Variants in VPS39 observed in about 807,000 individuals in gnomAD.
VPS39 encodes vam6/Vps39-like protein.
Under a neutral mutation model 121.0 loss-of-function variants are expected in VPS39, and 70 were observed. The observed-to-expected ratio is 0.58, with a 90% CI of 0.48 to 0.71. VPS39 has a LOEUF of 0.71. VPS39 is among the 30% of genes least tolerant of loss of function. The pLI is 0.00. For missense variants in VPS39, 818 were observed against 1,051.5 expected (o/e 0.78, Z 3.07); for synonymous variants, 378 against 398.1 (o/e 0.95, Z 0.60).
At chr15:42,184,787 G>A in intron 7 of VPS39, 87 bp from the exon 8 acceptor site, 1 of 1,278,760 alleles carries the variant, frequency 7.8e-7, no homozygotes, top group South Asian at 1.5e-5. Flanking sequence ...CCGAAACCTA[G>A]AGAAGCCAAT....
intron 19 of VPS39, 41 bp downstream of exon 19, chr15:42,164,317 C>T (rs1296574772): frequency 6.2e-7 from 1 of 1,612,008 alleles, no homozygotes; most frequent in Non-Finnish European, 8.5e-7. Flanking sequence ...CTTTGCATGA[C>T]CTTCGCTGAA....
At chr15:42,191,672 C>T (rs947262790) in intron 2 of VPS39, 112 bp from the exon 3 acceptor site, 23 of 903,292 alleles carry the variant, frequency 2.5e-5, no homozygotes, top group Non-Finnish European at 3.7e-5. Context: ...TTGGAAGTTC[C>T]TGAAAGACTA....
intron 2 of VPS39, 64 bp downstream of exon 2, chr15:42,199,832 T>C (rs1353727009): frequency 6.8e-7 from 1 of 1,480,474 alleles, no homozygotes; most frequent in Non-Finnish European, 9.1e-7. Flanking sequence ...GAATAACTGA[T>C]TTCACAGTTG....
chr15:42,162,234 G>A, intron 22 of VPS39, 68 bp from the exon 23 acceptor site: 2 of 1,608,002 alleles, frequency 1.2e-6, no homozygotes, highest in Non-Finnish European at 1.7e-6. Flanking sequence ...AATGTCTGCA[G>A]CCGTGGAGCT....
At chr15:42,184,724 C>A in intron 7 of VPS39, 24 bp from the exon 8 acceptor site, 1 of 1,588,848 alleles carries the variant, frequency 6.3e-7, no homozygotes, top group South Asian at 1.2e-5. Context: ...CAGAGTGAGT[C>A]ACCTAGCATT....
Position 42,161,787 on chromosome 15 carries a change from G to T in VPS39, c.2461-14C>A, listed in dbSNP as rs376424375. On this transcript the variant is annotated splice_polypyrimidine_tract_variant and intron_variant, in intron 23 of 24. Coordinates refer to ENST00000318006, the MANE Select transcript of VPS39 (RefSeq NM_015289.5). ...CTCTTCCTGGACCTGGAAGAACAGG[G>T]GGATTGAGGAAGAAGTTCTACAGTG... 1 of 1,613,630 alleles carries T rather than the reference G, an allele frequency of 6.2e-7. No individual in the cohort carries two copies. Among genetic ancestry groups the T allele is most frequent in the African/African-American group, 1.3e-5 (1 of 74,920 alleles).
intron 8 of VPS39, 83 bp from the exon 9 acceptor site, chr15:42,178,653 C>T: frequency 1.9e-6 from 3 of 1,551,586 alleles, no homozygotes; most frequent in Non-Finnish European, 2.6e-6. Context: ...TTCTAAGATA[C>T]ATTTAAATGG....
intron 10 of VPS39, among the ~76,000 whole-genome samples, chr15:42,174,260 A>T (rs1330673630): frequency 5.3e-5 from 8 of 152,100 alleles, no homozygotes; most frequent in African/African-American, 1.9e-4. Flanking sequence ...AAAAAAATAA[A>T]AAATAAAACA....
chr15:42,160,383 G>C lies in VPS39; in HGVS notation c.*371C>G. ...TGCTGAGCGGTCCTTGTGAAGTCAT[G>C]TACTTAATAGAAAAGCCCTTGATGA... On this transcript the variant is annotated 3_prime_UTR_variant, in exon 25 of 25. Coordinates refer to ENST00000318006, the MANE Select transcript of VPS39 (RefSeq NM_015289.5). 3.8e-6 allele frequency: 1 copy of C among 260,460 alleles called. No homozygotes were observed. The highest frequency in any genetic ancestry group is 5.5e-5 in the South Asian group (1 of 18,154). The allele number at this position is 260,460 out of a possible 1,614,324, so 16.1% of individuals were successfully genotyped here. A position where few individuals can be genotyped will look rare whatever the true frequency, so the allele number is the denominator to read the frequency against.
At chr15:42,181,164 A>G (rs548000103) in intron 8 of VPS39, among the ~76,000 whole-genome samples, 5 of 152,356 alleles carry the variant, frequency 3.3e-5, no homozygotes, top group Non-Finnish European at 7.3e-5. Context: ...ATATACACAC[A>G]GTGGAATATT....
rs191594013 is a variant in VPS39, at chr15:42,204,678, A to T, written c.73+3403T>A. Among the ~76,000 whole-genome samples, 877 of 152,198 alleles carry T rather than the reference A, an allele frequency of 5.8e-3. 9 individuals carry two copies. The highest frequency in any genetic ancestry group is 0.019 in the African/African-American group (779 of 41,532). ...AAATAATAATGAAATAAAATAAAATAAAATAAAATTAAATTAAATTTTATT... is the reference window on the plus strand; with the variant it reads ...AAATAATAATGAAATAAAATAAAATTAAATAAAATTAAATTAAATTTTATT... On this transcript the variant is annotated intron_variant, in intron 1 of 24. Coordinates refer to ENST00000318006, the MANE Select transcript of VPS39 (RefSeq NM_015289.5).
intron 8 of VPS39, chr15:42,184,054 C>CAAAAAAAAAAAA (rs34358912): frequency 1.7e-5 from 1 of 57,918 alleles, no homozygotes; most frequent in Admixed American, 2.0e-4. Flanking sequence ...CTCTAAGCTA[C>CAAAAAAAAAAAA]AAAAAAAAAA....
intron 8 of VPS39, among the ~76,000 whole-genome samples, chr15:42,183,032 G>A (rs1049159655): frequency 1.3e-5 from 2 of 151,962 alleles, no homozygotes; most frequent in African/African-American, 4.8e-5. Flanking sequence ...CTGACCTTTT[G>A]ATTTCTCTTC....
At chr15:42,192,586 A>C (rs2049850978) in intron 2 of VPS39, among the ~76,000 whole-genome samples, 1 of 152,134 alleles carries the variant, frequency 6.6e-6, no homozygotes, top group Non-Finnish European at 1.5e-5. Flanking sequence ...TCATGCCACC[A>C]AAGCTGGTCT....
intron 8 of VPS39, among the ~76,000 whole-genome samples, chr15:42,181,634 T>C (rs187823900): frequency 6.8e-4 from 103 of 152,096 alleles, no homozygotes; most frequent in African/African-American, 1.9e-3. Context: ...AATTACCACA[T>C]AGAAATTTAA....
intron 1 of VPS39, 107 bp from the exon 2 acceptor site, chr15:42,200,068 G>C: frequency 9.5e-7 from 1 of 1,054,912 alleles, no homozygotes; most frequent in Non-Finnish European, 1.3e-6. Flanking sequence ...CTTGTAATCA[G>C]AAATCAATGT....
Position 42,177,162 on chromosome 15 carries a change from TAAA to T in VPS39, c.960+1053_960+1055del, listed in dbSNP as rs369967285. Among the ~76,000 whole-genome samples the T allele has an allele frequency of 1.4e-3, 77 of 56,408 alleles. 7 individuals are homozygous for T. The South Asian group carries it at 0.032, about 24-fold the overall frequency. 37.0% of individuals were successfully genotyped at this position (56,408 alleles called of 152,430 possible). On this transcript the variant is annotated intron_variant, in intron 10 of 24. Coordinates refer to ENST00000318006, the MANE Select transcript of VPS39 (RefSeq NM_015289.5). ...TGGGTGACAGAGTGAGACCCTGTTT[TAAA>T]AAAAAAAAAAAAAAAAAAAAAAAAC...
intron 7 of VPS39, 147 bp from the exon 8 acceptor site, chr15:42,184,847 C>T (rs1306285051): frequency 3.7e-6 from 3 of 802,934 alleles, no homozygotes; most frequent in East Asian, 5.5e-5. Context: ...ATTATAATAA[C>T]CGTTGTTATC....
chr15:42,169,896 G>A (rs1595648169), intron 11 of VPS39, 30 bp from the exon 12 acceptor site: 2 of 1,576,788 alleles, frequency 1.3e-6, no homozygotes, highest in South Asian at 1.2e-5. Context: ...GATTCCTCTG[G>A]AAAGGAGCCC....
Sources: gnomAD v4.1 joint callset for allele counts (sites outside exome capture counted in the v4.1 genomes callset) on GRCh38, gnomAD v4.1.1 for gene constraint, MANE v1.5 for transcripts, NCBI Gene and HGNC (gene_info 2026-07-23, HGNC 2026-07-21) for gene names.